NLRP5: variants seen among roughly 807,000 people sequenced by gnomAD.
NLRP5 encodes NACHT, LRR and PYD domains-containing protein 5.
Under a neutral mutation model 113.1 loss-of-function variants are expected in NLRP5, and 93 were observed. The ratio of observed to expected loss-of-function variants is 0.82; its 90% CI spans 0.70 to 0.98. The LOEUF (loss-of-function observed/expected upper bound fraction) is 0.98, where lower values mean the gene tolerates loss of function less well. Among genes scored for constraint, NLRP5 ranks in the 50% least tolerant of loss-of-function variants. The pLI is 0.00. For synonymous variants in NLRP5, 751 were observed against 600.7 expected (o/e 1.25, Z -3.66); for missense variants, 1,808 against 1,514.3 (o/e 1.19, Z -3.22).
rs768061538 is a variant in NLRP5, at chr19:56,028,263, A to G, written c.2030A>G (p.Asn677Ser). 2.2e-5 allele frequency: 36 copies of G among 1,613,798 alleles called. No homozygotes were observed. Among genetic ancestry groups the G allele is most frequent in the Admixed American group, 3.3e-5 (2 of 59,990 alleles). ...GTCTCTCTGTTGGGTCAGCAGCCTA[A>G]TGCCACCACCCCAGGAGACACCCTG... Residue 677 changes from asparagine to serine, a missense_variant, in exon 7 of 15, where the codon AAT becomes AGT. Coordinates refer to ENST00000390649, the MANE Select transcript of NLRP5 (RefSeq NM_153447.4).
intron 9 of NLRP5, among the ~76,000 whole-genome samples, chr19:56,035,157 C>T (rs1456082402): frequency 6.6e-6 from 1 of 152,164 alleles, no homozygotes; most frequent in Non-Finnish European, 1.5e-5. Context: ...CCAGGCTGTC[C>T]TCGAACTCCT....
chr19:56,037,988 A>G, intron 9 of NLRP5, 37 bp from the exon 10 acceptor site: 2 of 1,610,972 alleles, frequency 1.2e-6, no homozygotes, highest in Non-Finnish European at 1.7e-6. Context: ...TGCTTTGGAC[A>G]AGAGCTGGGA....
chr19:56,016,241 C>T (rs1490620899), intron 4 of NLRP5, among the ~76,000 whole-genome samples: 1 of 151,990 alleles, frequency 6.6e-6, no homozygotes, highest in Non-Finnish European at 1.5e-5. Flanking sequence ...GCCAGCTCCG[C>T]CTCCCGGGTT....
chr19:56,033,218 T>A (rs1305209159), intron 8 of NLRP5, among the ~76,000 whole-genome samples: 1 of 152,042 alleles, frequency 6.6e-6, no homozygotes, highest in Non-Finnish European at 1.5e-5. Context: ...ACCACGGCAT[T>A]CCAGCCTGGG....
intron 9 of NLRP5, among the ~76,000 whole-genome samples, chr19:56,035,798 G>C (rs1662641737): frequency 1.3e-5 from 2 of 152,262 alleles, no homozygotes; most frequent in South Asian, 4.1e-4. Context: ...GGGATGATCA[G>C]CTAAGTCTCT....
At position 56,034,047 on chromosome 19, in the gene NLRP5, G is replaced by A. The variant is rs557854725; in HGVS notation, c.2615+338G>A. Among the ~76,000 whole-genome samples, 5 of 152,318 alleles carry A rather than the reference G, an allele frequency of 3.3e-5. No homozygotes were observed. In the East Asian group the frequency reaches 5.8e-4, roughly 18 times the overall value. ...GGCCTCCCAGAGCACTGGGATTATA[G>A]GCTTGAGCCACCATACCCAGCGAGA... On this transcript the variant is annotated intron_variant, in intron 9 of 14. Coordinates refer to ENST00000390649, the MANE Select transcript of NLRP5 (RefSeq NM_153447.4).
At chr19:56,012,462 T>C (rs1417040304) in intron 3 of NLRP5, among the ~76,000 whole-genome samples, 1 of 151,614 alleles carries the variant, frequency 6.6e-6, no homozygotes, top group Non-Finnish European at 1.5e-5. Flanking sequence ...TTTTTTTTTT[T>C]TTTCCGGATA....
At chr19:55,988,097 A>G in the NLRP5 span, 1 of 551,708 alleles carries the variant, frequency 1.8e-6, no homozygotes, top group Non-Finnish European at 3.3e-6. Context: ...TGTGTGTATT[A>G]ATATGCTATG....
chr19:56,054,396 A>G (rs771030807), intron 13 of NLRP5, among the ~76,000 whole-genome samples: 1 of 152,084 alleles, frequency 6.6e-6, no homozygotes, highest in African/African-American at 2.4e-5. Context: ...TGTCTCTACT[A>G]AAAATACAAA....
chr19:56,013,944 G>A (rs1288222324), intron 3 of NLRP5, among the ~76,000 whole-genome samples: 4 of 151,944 alleles, frequency 2.6e-5, no homozygotes, highest in African/African-American at 9.7e-5. Flanking sequence ...GGCTACTTCT[G>A]TGTCTTTAGA....
rs1401451377 is a variant in NLRP5, at chr19:56,007,898, C to CGCGT, written c.443-884_443-881dup. On this transcript the variant is annotated intron_variant, in intron 2 of 14. Coordinates refer to ENST00000390649, the MANE Select transcript of NLRP5 (RefSeq NM_153447.4). ...GTGTGTGTGTGTGTGTGCGCGTGCG[C>CGCGT]GCGTGCGTGTGTGTGTGTGTGTGTG... Among the ~76,000 whole-genome samples, 3 of 41,400 alleles carry CGCGT rather than the reference C, an allele frequency of 7.2e-5. 1 individual carries two copies. Among genetic ancestry groups the CGCGT allele is most frequent in the African/African-American group, 2.0e-4 (3 of 14,936 alleles). The allele number at this position is 41,400 out of a possible 152,430, so 27.2% of individuals were successfully genotyped here.
intron 9 of NLRP5, among the ~76,000 whole-genome samples, chr19:56,035,946 G>A (rs934985814): frequency 3.4e-4 from 51 of 151,932 alleles, no homozygotes; most frequent in African/African-American, 1.2e-3. Context: ...CATGTTCCAG[G>A]GATGTGCTGA....
the NLRP5 span, among the ~76,000 whole-genome samples, chr19:55,991,218 G>T: frequency 2.0e-5 from 3 of 151,882 alleles, no homozygotes; most frequent in African/African-American, 7.3e-5. Context: ...TCATTATTTG[G>T]GGGCTAAATG....
rs1292728936 is a variant in NLRP5 at position 56,027,795 on chromosome 19, A to G, written c.1562A>G (p.Asn521Ser). 2.5e-6 allele frequency: 4 copies of G among 1,613,856 alleles called. No homozygotes were observed. The African/African-American group carries it at 5.3e-5, about 22-fold the overall frequency. Residue 521 changes from asparagine (N) to serine (S), a missense_variant, in exon 7 of 15, where the codon AAT becomes AGT. Coordinates refer to ENST00000390649, the MANE Select transcript of NLRP5 (RefSeq NM_153447.4). ...CGAGGCGTGGTCCGGCGCTGTCTCA[A>G]TCTGGAGGAAAGAGTTGTCCTGAAG...
intron 14 of NLRP5, 140 bp downstream of exon 14, chr19:56,058,550 C>A: frequency 1.4e-6 from 1 of 692,944 alleles, no homozygotes; most frequent in Non-Finnish European, 2.4e-6. Context: ...GTGCCCACTA[C>A]GTTCTGAGTA....
intron 13 of NLRP5, among the ~76,000 whole-genome samples, chr19:56,057,917 C>T (rs1984214631): frequency 6.6e-6 from 1 of 151,740 alleles, no homozygotes; most frequent in Non-Finnish European, 1.5e-5. Context: ...ATCCCAGCTA[C>T]TCCGGAGGCT....
At chr19:56,020,592 C>T (rs1599886801) in intron 6 of NLRP5, among the ~76,000 whole-genome samples, 161 bp downstream of exon 6, 1 of 151,660 alleles carries the variant, frequency 6.6e-6, no homozygotes, top group East Asian at 1.9e-4. Flanking sequence ...TTGATCAGTA[C>T]CATGGATAGA....
upstream of NLRP5, among the ~76,000 whole-genome samples, chr19:55,998,684 A>ATATGTGTGTG (rs1981436334): frequency 2.4e-5 from 2 of 82,026 alleles, no homozygotes; most frequent in Non-Finnish European, 4.0e-5. Context: ...ATATATATAT[A>ATATGTGTGTG]TATATATATA....
intron 14 of NLRP5, among the ~76,000 whole-genome samples, chr19:56,060,454 T>C (rs1000906750): frequency 1.3e-5 from 2 of 152,198 alleles, no homozygotes; most frequent in Non-Finnish European, 2.9e-5. Context: ...CTCGTTGTTA[T>C]AGCAATGACT....
Sources: allele counts gnomAD v4.1 joint callset (sites outside exome capture counted in the v4.1 genomes callset), GRCh38; gene constraint gnomAD v4.1.1; transcripts MANE v1.5; gene names NCBI Gene and HGNC (gene_info 2026-07-23, HGNC 2026-07-21).